Variants in FAM135B observed in about 807,000 individuals in gnomAD.
FAM135B encodes the protein protein FAM135B.
FAM135B carries 43 observed loss-of-function variants against 127.7 expected under a neutral mutation model. The ratio of observed to expected loss-of-function variants is 0.34; its 90% CI spans 0.26 to 0.43. The LOEUF is 0.43. FAM135B is among the 20% of genes least tolerant of loss of function. The pLI, the probability that FAM135B is intolerant of heterozygous loss-of-function variation, is 1.00. For missense variants in FAM135B, 1,558 were observed against 1,725.6 expected (o/e 0.90, Z 1.72); for synonymous variants, 670 against 665.1 (o/e 1.01, Z -0.11).
Position 138,153,220 on chromosome 8 carries a change from CA to C in FAM135B, c.1259-5del, listed in dbSNP as rs11311519. On this transcript the variant is annotated splice_region_variant and splice_polypyrimidine_tract_variant and intron_variant, in intron 12 of 19. Coordinates refer to ENST00000395297, the MANE Select transcript of FAM135B (RefSeq NM_015912.4). The stretch of plus-strand genomic sequence containing the variant: ...GGATAAACACTCAAGTTATGCCCTA[CA>C]AAAAAAAAAGAAAGAAAATTATATT... 1,040,772 of 1,439,436 alleles carry C rather than the reference CA, an allele frequency of 0.72. 368,820 individuals carry two copies. Among genetic ancestry groups the C allele is most frequent in the East Asian group, 0.79 (34,010 of 42,890 alleles). The allele number at this position is 1,439,436 out of a possible 1,614,324, so 89.2% of individuals were successfully genotyped here.
chr8:138,306,098 G>A (rs1186081004), intron 3 of FAM135B, among the ~76,000 whole-genome samples: 1 of 152,078 alleles, frequency 6.6e-6, no homozygotes. Context: ...TGCATAACTA[G>A]CTGTTGGCAA....
intron 16 of FAM135B, among the ~76,000 whole-genome samples, chr8:138,142,557 G>A (rs1817290421): frequency 6.6e-6 from 1 of 152,016 alleles, no homozygotes; most frequent in Non-Finnish European, 1.5e-5. Context: ...GCCCGCCTCA[G>A]CCTCCCAAAG....
At chr8:138,492,444 GC>G (rs1350352767) in intron 1 of FAM135B, among the ~76,000 whole-genome samples, 1 of 152,000 alleles carries the variant, frequency 6.6e-6, no homozygotes, top group African/African-American at 2.4e-5. Context: ...CTCCTAAGAG[GC>G]CATAAAATCT....
At chr8:138,449,934 T>C (rs1836400248) in intron 1 of FAM135B, among the ~76,000 whole-genome samples, 1 of 152,082 alleles carries the variant, frequency 6.6e-6, no homozygotes, top group East Asian at 1.9e-4. Context: ...AATCTATGGG[T>C]TTGAATAAAT....
intron 1 of FAM135B, among the ~76,000 whole-genome samples, chr8:138,397,871 C>A (rs545290927): frequency 8.0e-4 from 122 of 152,220 alleles, no homozygotes; most frequent in Admixed American, 2.2e-3. Flanking sequence ...CCCTGGTGTG[C>A]CTGCAAGGAA....
chr8:138,208,844 A>G (rs1817914128), intron 7 of FAM135B, among the ~76,000 whole-genome samples: 3 of 152,192 alleles, frequency 2.0e-5, no homozygotes, highest in South Asian at 4.1e-4. Context: ...CAATTCTTAT[A>G]TTGCCAAGAG....
intron 1 of FAM135B, among the ~76,000 whole-genome samples, chr8:138,434,074 C>A (rs1835340668): frequency 6.6e-6 from 1 of 152,214 alleles, no homozygotes; most frequent in Non-Finnish European, 1.5e-5. Flanking sequence ...ACTCTGGGCA[C>A]ACATTCTAAG....
At chr8:138,137,694 C>T (rs1363041239) in intron 18 of FAM135B, among the ~76,000 whole-genome samples, 1 of 152,150 alleles carries the variant, frequency 6.6e-6, no homozygotes, top group East Asian at 1.9e-4. Context: ...ACTCCAGCAC[C>T]TCTCCTAATT....
At chr8:138,184,642 TGCAGAAAAGACCGG>T (rs1421636189) in intron 9 of FAM135B, among the ~76,000 whole-genome samples, 1 of 152,082 alleles carries the variant, frequency 6.6e-6, no homozygotes, top group African/African-American at 2.4e-5. Flanking sequence ...TGTGCACTGC[TGCAGAAAAGACCGG>T]GCAGAGAAGA....
chr8:138,327,070 G>A (rs911077921), intron 2 of FAM135B, among the ~76,000 whole-genome samples: 1 of 152,032 alleles, frequency 6.6e-6, no homozygotes, highest in Non-Finnish European at 1.5e-5. Flanking sequence ...TTTAATTCTA[G>A]GATATATATT....
intron 5 of FAM135B, among the ~76,000 whole-genome samples, chr8:138,253,834 T>A (rs1821883002): frequency 6.6e-6 from 1 of 152,218 alleles, no homozygotes; most frequent in Non-Finnish European, 1.5e-5. Context: ...TTTGGTCATG[T>A]TTCAGAGCCT....
chr8:138,326,048 G>A (rs1290136033), intron 2 of FAM135B, among the ~76,000 whole-genome samples: 1 of 152,134 alleles, frequency 6.6e-6, no homozygotes, highest in African/African-American at 2.4e-5. Flanking sequence ...AGCTTAGTTG[G>A]AGTGACTGTA....
At chr8:138,320,259 T>C (rs1005366975) in intron 2 of FAM135B, among the ~76,000 whole-genome samples, 1 of 152,210 alleles carries the variant, frequency 6.6e-6, no homozygotes, top group African/African-American at 2.4e-5. Context: ...AACCAACAGA[T>C]GGGAATAAAT....
At chr8:138,372,410 G>A (rs1011574875) in intron 1 of FAM135B, among the ~76,000 whole-genome samples, 18 of 152,178 alleles carry the variant, frequency 1.2e-4, no homozygotes, top group African/African-American at 4.3e-4. Flanking sequence ...TGAAGCCTAT[G>A]TCTAGAGATT....
In FAM135B at chr8:138,334,774, T is replaced by G. The variant is rs113769378; in HGVS notation, c.78-23854A>C. 1.6e-3 allele frequency among the ~76,000 whole-genome samples: 246 copies of G among 152,326 alleles called. 1 individual carries two copies. Among genetic ancestry groups the G allele is most frequent in the Non-Finnish European group, 1.8e-3 (124 of 68,032 alleles). ...TTCTACGGTGTATATGAACCACATTTTCTTTATCCAATCTACCATTGATGG... is the reference window on the plus strand; with the variant it reads ...TTCTACGGTGTATATGAACCACATTGTCTTTATCCAATCTACCATTGATGG... On this transcript the variant is annotated intron_variant, in intron 2 of 19. Transcript: ENST00000395297.
At chr8:138,373,405 T>C (rs1295477437) in intron 1 of FAM135B, among the ~76,000 whole-genome samples, 1 of 151,232 alleles carries the variant, frequency 6.6e-6, no homozygotes, top group African/African-American at 2.4e-5. Flanking sequence ...ATGCCTGTCT[T>C]TACTTTAATC....
intron 1 of FAM135B, among the ~76,000 whole-genome samples, chr8:138,478,090 C>T (rs1425925484): frequency 1.3e-5 from 2 of 152,092 alleles, no homozygotes; most frequent in Non-Finnish European, 2.9e-5. Context: ...AGCGGAACCC[C>T]ATGTTAACTG....
intron 1 of FAM135B, among the ~76,000 whole-genome samples, chr8:138,454,711 T>C (rs4410910): frequency 0.47 from 71,677 of 152,008 alleles, 17,588 homozygotes; most frequent in African/African-American, 0.55. Flanking sequence ...CACTTTTGTG[T>C]TAGTGTGGCT....
At chr8:138,338,667 G>A (rs930733883) in intron 2 of FAM135B, among the ~76,000 whole-genome samples, 1 of 151,662 alleles carries the variant, frequency 6.6e-6, no homozygotes, top group African/African-American at 2.4e-5. Context: ...TGGTGGGACT[G>A]TAAACTAGTT....
Sources: allele counts gnomAD v4.1 joint callset (sites outside exome capture counted in the v4.1 genomes callset), GRCh38; gene constraint gnomAD v4.1.1; transcripts MANE v1.5; gene names NCBI Gene and HGNC (gene_info 2026-07-23, HGNC 2026-07-21).